Variants in POT1 observed in about 807,000 individuals in gnomAD.
POT1 encodes the protein protection of telomeres protein 1.
POT1 carries 47 observed loss-of-function variants against 78.5 expected under a neutral mutation model. That is an observed-to-expected ratio of 0.60 (90% CI 0.47 to 0.76). POT1 has a LOEUF of 0.76. POT1 is among the 30% of genes least tolerant of loss of function. POT1 has a pLI of 0.00. For synonymous variants in POT1, 259 were observed against 260.7 expected (o/e 0.99, Z 0.06); for missense variants, 646 against 749.9 (o/e 0.86, Z 1.62).
At chr7:124,891,738 T>C (rs972994114) in intron 6 of POT1, among the ~76,000 whole-genome samples, 3 of 151,588 alleles carry the variant, frequency 2.0e-5, no homozygotes, top group Non-Finnish European at 3.0e-5. Context: ...CTTATATTTA[T>C]AGCAATCTAC....
intron 3 of POT1, among the ~76,000 whole-genome samples, chr7:124,915,131 AT>A: frequency 6.6e-6 from 1 of 152,248 alleles, no homozygotes; most frequent in Middle Eastern, 3.4e-3. Context: ...AGTGTCTGAT[AT>A]ATACTTAGTA....
chr7:124,899,218 A>C (rs544954241), intron 3 of POT1, among the ~76,000 whole-genome samples: 2 of 152,198 alleles, frequency 1.3e-5, no homozygotes, highest in Non-Finnish European at 2.9e-5. Context: ...GATAGTGGTC[A>C]TTTCTAATTC....
intron 3 of POT1, among the ~76,000 whole-genome samples, chr7:124,900,408 T>G (rs922143745): frequency 3.9e-5 from 6 of 152,170 alleles, no homozygotes; most frequent in Non-Finnish European, 8.8e-5. Context: ...AATTCTACCT[T>G]CCTCTAAACT....
rs745543835 is a variant in POT1 at position 124,827,247 on chromosome 7, T to A, written c.1653A>T (p.Gly551=). ...VFVMTFTLDD[G]TGVLEAYLMD... ...TGAGATAGGCTTCTAGTACTCCTGT[T>A]CCATCATCAAGTGTAAAGGTCATAA... The change falls in exon 17 of 19, where the codon GGA becomes GGT. Residue 551 remains glycine, a synonymous_variant. Transcript: ENST00000357628. 1 of 1,594,380 alleles carries A rather than the reference T, an allele frequency of 6.3e-7. No homozygotes were observed. The highest frequency in any genetic ancestry group is 8.6e-7 in the Non-Finnish European group (1 of 1,164,776).
intron 12 of POT1, among the ~76,000 whole-genome samples, chr7:124,845,205 T>TC (rs1365842232): frequency 2.0e-5 from 3 of 152,346 alleles, no homozygotes; most frequent in African/African-American, 7.2e-5. Context: ...AAAATGTTCT[T>TC]CTTAGCATTC....
At chr7:124,857,175 C>G (rs965488669) in intron 9 of POT1, among the ~76,000 whole-genome samples, 14 of 152,138 alleles carry the variant, frequency 9.2e-5, no homozygotes, top group African/African-American at 3.4e-4. Flanking sequence ...GGAAATTGGG[C>G]ATTGAAATTC....
chr7:124,914,221 A>G (rs1003425113), intron 3 of POT1, among the ~76,000 whole-genome samples: 2 of 151,514 alleles, frequency 1.3e-5, no homozygotes, highest in African/African-American at 4.9e-5. Flanking sequence ...TGCCAGTACC[A>G]CTGTTTTGAT....
chr7:124,835,530 C>A (rs918953625), intron 14 of POT1, 116 bp from the exon 15 acceptor site: 31 of 1,110,886 alleles, frequency 2.8e-5, no homozygotes, highest in Middle Eastern at 2.1e-4. Context: ...CAGAAAAAGA[C>A]AATGAATGTA....
chr7:124,872,306 T>A (rs1178795415), intron 6 of POT1, among the ~76,000 whole-genome samples: 1 of 152,210 alleles, frequency 6.6e-6, no homozygotes, highest in Non-Finnish European at 1.5e-5. Flanking sequence ...CTCTTCAACA[T>A]ACTGATTATT....
At chr7:124,911,697 T>C (rs1340265747) in intron 3 of POT1, among the ~76,000 whole-genome samples, 1 of 152,160 alleles carries the variant, frequency 6.6e-6, no homozygotes, top group African/African-American at 2.4e-5. Flanking sequence ...AATTAACTGA[T>C]TTAACAGTTC....
intron 12 of POT1, among the ~76,000 whole-genome samples, chr7:124,844,319 G>A (rs2116473232): frequency 6.6e-6 from 1 of 151,222 alleles, no homozygotes; most frequent in Non-Finnish European, 1.5e-5. Flanking sequence ...AGTAGAAACG[G>A]GGTTTCTCCA....
intron 6 of POT1, among the ~76,000 whole-genome samples, chr7:124,890,421 C>T (rs578210285): frequency 6.6e-6 from 1 of 152,012 alleles, no homozygotes; most frequent in East Asian, 1.9e-4. Context: ...ATTCCATAAA[C>T]TTAGTTGATA....
chr7:124,883,321 G>C (rs906859077), intron 6 of POT1, among the ~76,000 whole-genome samples: 6 of 151,882 alleles, frequency 4.0e-5, no homozygotes, highest in Non-Finnish European at 5.9e-5. Context: ...TTACCAATTG[G>C]GGAAAGACTA....
At chr7:124,835,046 G>C (rs1296352835) in intron 15 of POT1, among the ~76,000 whole-genome samples, 3 of 152,094 alleles carry the variant, frequency 2.0e-5, no homozygotes, top group Non-Finnish European at 4.4e-5. Context: ...TGAACAATGA[G>C]AACACATGGA....
intron 15 of POT1, among the ~76,000 whole-genome samples, chr7:124,830,521 A>G (rs1794734419): frequency 6.6e-6 from 1 of 152,160 alleles, no homozygotes; most frequent in Admixed American, 6.5e-5. Flanking sequence ...AGACTACGAT[A>G]TTGATTAGCA....
intron 7 of POT1, 30 bp from the exon 8 acceptor site, chr7:124,863,670 A>G (rs1412051871): frequency 3.9e-6 from 6 of 1,527,182 alleles, no homozygotes; most frequent in Non-Finnish European, 5.4e-6. Context: ...TAGAAAACAG[A>G]TACAAATAAA....
At chr7:124,827,168 ATAT>A (rs776353080) in intron 17 of POT1, 43 bp downstream of exon 17, 6 of 1,140,222 alleles carry the variant, frequency 5.3e-6, no homozygotes, top group Admixed American at 3.0e-5. Context: ...AATTTTTTAA[ATAT>A]TATTTTTTAA....
chr7:124,915,117 G>C (rs923074961), intron 3 of POT1, among the ~76,000 whole-genome samples: 1 of 152,098 alleles, frequency 6.6e-6, no homozygotes, highest in African/African-American at 2.4e-5. Flanking sequence ...CCAGTACCTA[G>C]AACAGTGTCT....
At chr7:124,880,807 T>C (rs1017497797) in intron 6 of POT1, among the ~76,000 whole-genome samples, 39 of 99,058 alleles carry the variant, frequency 3.9e-4, no homozygotes, top group Non-Finnish European at 2.0e-4. Context: ...TGCAAAAACC[T>C]AAACAATTTT....
Sources: allele counts gnomAD v4.1 joint callset (sites outside exome capture counted in the v4.1 genomes callset), GRCh38; gene constraint gnomAD v4.1.1; transcripts MANE v1.5; gene names NCBI Gene and HGNC (gene_info 2026-07-23, HGNC 2026-07-21).